CUL3: variants seen among roughly 807,000 people sequenced by gnomAD.
CUL3 encodes the protein cullin-3.
A neutral mutation model predicts 89.1 loss-of-function variants in CUL3; 19 were observed. The ratio of observed to expected loss-of-function variants is 0.21; its 90% confidence interval spans 0.15 to 0.31. The LOEUF (loss-of-function observed/expected upper bound fraction) is 0.31, where lower values mean the gene tolerates loss of function less well. Ranked by LOEUF, CUL3 falls within the 10% of genes least tolerant of loss-of-function variation. The pLI, the probability that CUL3 is intolerant of heterozygous loss-of-function variation, is 1.00. For synonymous variants in CUL3, 351 were observed against 308.4 expected (o/e 1.14, Z -1.45); for missense variants, 469 against 942.3 (o/e 0.50, Z 6.58).
intron 15 of CUL3, among the ~76,000 whole-genome samples, chr2:224,476,882 C>T (rs1479971804): frequency 6.6e-5 from 10 of 152,142 alleles, no homozygotes; most frequent in African/African-American, 2.2e-4. Context: ...TCTAATACTA[C>T]TCTCTCTGCC....
chr2:224,511,861 C>T (rs532513446), intron 5 of CUL3, among the ~76,000 whole-genome samples: 3 of 152,136 alleles, frequency 2.0e-5, no homozygotes, highest in African/African-American at 7.2e-5. Flanking sequence ...AGTATATACA[C>T]GCCAGTGAGG....
chr2:224,481,592 T>C (rs1691540151), intron 14 of CUL3, among the ~76,000 whole-genome samples: 1 of 152,106 alleles, frequency 6.6e-6, no homozygotes, highest in Non-Finnish European at 1.5e-5. Context: ...GACTATTAGT[T>C]AACAACTTAA....
chr2:224,476,944 C>T (rs1691344684), intron 15 of CUL3, among the ~76,000 whole-genome samples: 1 of 152,166 alleles, frequency 6.6e-6, no homozygotes. Flanking sequence ...GTGGTTTCCA[C>T]CTCCATTTCC....
rs967941732 is a variant in CUL3, at chr2:224,585,016, C to G, written c.-7G>C. 9 of 1,496,394 alleles carry G rather than the reference C, an allele frequency of 6.0e-6. No individual in the cohort carries two copies. In the African/African-American group the frequency reaches 1.3e-4, roughly 22 times the overall value. 92.7% of individuals were successfully genotyped at this position (1,496,394 alleles called of 1,614,324 possible). On this transcript the variant is annotated 5_prime_UTR_variant, in exon 1 of 16. Coordinates refer to ENST00000264414, the MANE Select transcript of CUL3 (RefSeq NM_003590.5). ...CTTTGCTCAGATTCGACATGGTGCTCGTCCCCTCCCCGGCGGCGGCTTCAG... is the reference window on the plus strand; with the variant it reads ...CTTTGCTCAGATTCGACATGGTGCTGGTCCCCTCCCCGGCGGCGGCTTCAG...
intron 1 of CUL3, among the ~76,000 whole-genome samples, chr2:224,574,293 T>G (rs1053982795): frequency 1.3e-5 from 2 of 152,324 alleles, no homozygotes; most frequent in Non-Finnish European, 2.9e-5. Context: ...TTAGGAAGTT[T>G]TGCTTAGTTA....
chr2:224,551,870 G>A (rs1333622637), intron 2 of CUL3, among the ~76,000 whole-genome samples: 5 of 152,128 alleles, frequency 3.3e-5, no homozygotes, highest in South Asian at 4.1e-4. Context: ...TCTTGTGAGC[G>A]CTTATTCTTC....
At chr2:224,515,858 A>G (rs1203727238) in intron 3 of CUL3, among the ~76,000 whole-genome samples, 1 of 151,906 alleles carries the variant, frequency 6.6e-6, no homozygotes, top group Non-Finnish European at 1.5e-5. Flanking sequence ...ATGCCTGGCT[A>G]ATCTTTTTAT....
intron 13 of CUL3, among the ~76,000 whole-genome samples, chr2:224,486,089 G>A (rs750846490): frequency 5.3e-5 from 8 of 152,160 alleles, no homozygotes; most frequent in South Asian, 4.1e-4. Context: ...GAATGCCCAT[G>A]CAAAAACCCC....
chr2:224,477,938 T>C lies in CUL3; in HGVS notation c.2175+262A>G, dbSNP rs73993900. ...GAGTTTGTTTACACAAAGGTATTAA[T>C]AGCAGTGAAAATCTTTTCTTAATAC... On this transcript the variant is annotated intron_variant, in intron 15 of 15. Coordinates refer to ENST00000264414, the MANE Select transcript of CUL3 (RefSeq NM_003590.5). 6.9e-3 allele frequency among the ~76,000 whole-genome samples: 1,044 copies of C among 152,358 alleles called. 13 individuals are homozygous for C. Among genetic ancestry groups the C allele is most frequent in the African/African-American group, 0.024 (992 of 41,588 alleles).
intron 2 of CUL3, among the ~76,000 whole-genome samples, chr2:224,536,102 T>G (rs1693887818): frequency 6.6e-6 from 1 of 152,240 alleles, no homozygotes; most frequent in African/African-American, 2.4e-5. Context: ...GATAAATATT[T>G]AACCTCTGTG....
chr2:224,502,543 A>C (rs1049424020), intron 10 of CUL3, among the ~76,000 whole-genome samples: 1 of 152,166 alleles, frequency 6.6e-6, no homozygotes, highest in African/African-American at 2.4e-5. Context: ...AAACTTACAG[A>C]GGAGAATAAT....
At position 224,471,161 on chromosome 2, in the gene CUL3, A is replaced by G. The variant is rs867636678; in HGVS notation, c.*3084T>C. The G allele has an allele frequency of 3.9e-4, 83 of 214,458 alleles. No homozygotes were observed. Among genetic ancestry groups the G allele is most frequent in the African/African-American group, 1.7e-3 (74 of 44,444 alleles). The allele number at this position is 214,458 out of a possible 1,614,324, so 13.3% of individuals were successfully genotyped here. A position where few individuals can be genotyped will look rare whatever the true frequency, so the allele number is the denominator to read the frequency against. On this transcript the variant is annotated 3_prime_UTR_variant, in exon 16 of 16. Coordinates refer to ENST00000264414, the MANE Select transcript of CUL3 (RefSeq NM_003590.5). ...ATGTTTTAACATTCGTATTTACAGA[A>G]TGCAAAATACTATGCAACATATAGT... is the stretch of plus-strand genomic sequence containing the variant.
In CUL3 at chr2:224,584,989, G is replaced by A. The variant is rs201374931; in HGVS notation, c.21C>T (p.Gly7=). 722 of 1,510,468 alleles carry A rather than the reference G, an allele frequency of 4.8e-4. 4 individuals are homozygous for A. The highest frequency in any genetic ancestry group is 1.2e-4 in the Non-Finnish European group (134 of 1,118,568). The allele number at this position is 1,510,468 out of a possible 1,614,324, so 93.6% of individuals were successfully genotyped here. MSNLSK[G]TGSRKDTKMR... ...TCTTGGTGTCCTTCCGGCTGCCCGTGCCTTTGCTCAGATTCGACATGGTGC... is the reference window on the plus strand; with the variant it reads ...TCTTGGTGTCCTTCCGGCTGCCCGTACCTTTGCTCAGATTCGACATGGTGC... The change falls in exon 1 of 16, where the codon GGC becomes GGT. Residue 7 remains glycine, a synonymous_variant. Coordinates refer to ENST00000264414, the MANE Select transcript of CUL3 (RefSeq NM_003590.5).
At chr2:224,584,491 G>A (rs761827128) in intron 1 of CUL3, among the ~76,000 whole-genome samples, 69 of 152,118 alleles carry the variant, frequency 4.5e-4, no homozygotes, top group Non-Finnish European at 8.1e-4. Flanking sequence ...AGAGAGGGCA[G>A]CCCCTTCATC....
chr2:224,518,226 T>C (rs186813143), intron 3 of CUL3, among the ~76,000 whole-genome samples: 32 of 152,314 alleles, frequency 2.1e-4, no homozygotes, highest in Admixed American at 1.1e-3. Flanking sequence ...TATCCTGTAA[T>C]ATGTAATCTT....
intron 1 of CUL3, among the ~76,000 whole-genome samples, chr2:224,572,630 G>GAAAA (rs67105454): frequency 2.3e-5 from 2 of 86,262 alleles, no homozygotes; most frequent in Non-Finnish European, 4.5e-5. Flanking sequence ...GAGAGTGAGA[G>GAAAA]AAAAAAAAAA....
intron 13 of CUL3, among the ~76,000 whole-genome samples, chr2:224,484,489 T>C (rs1245759913): frequency 6.6e-6 from 1 of 152,188 alleles, no homozygotes; most frequent in Non-Finnish European, 1.5e-5. Context: ...TTATAGATTA[T>C]GGTTTTCAAT....
chr2:224,584,839 G>A (rs1695540803), intron 1 of CUL3, 105 bp downstream of exon 1: 4 of 721,966 alleles, frequency 5.5e-6, no homozygotes, highest in East Asian at 5.6e-5. Context: ...GTGGGGGAGG[G>A]GAGGCCGGGC....
At chr2:224,524,003 C>T (rs1326091002) in intron 3 of CUL3, among the ~76,000 whole-genome samples, 1 of 151,980 alleles carries the variant, frequency 6.6e-6, no homozygotes, top group Non-Finnish European at 1.5e-5. Context: ...CAGCTCTGTA[C>T]AACAATGTGA....
Sources: allele counts gnomAD v4.1 joint callset (sites outside exome capture counted in the v4.1 genomes callset), GRCh38; gene constraint gnomAD v4.1.1; transcripts MANE v1.5; gene names NCBI Gene and HGNC (gene_info 2026-07-23, HGNC 2026-07-21).